The following PLIN5 variants were observed in gnomAD, a reference collection of about 807,000 sequenced individuals.
PLIN5 encodes perilipin-5.
In PLIN5, 34 loss-of-function variants were observed where a neutral mutation model predicts 32.8. That is an observed-to-expected ratio of 1.04 (90% confidence interval 0.79 to 1.38). The LOEUF is 1.38. Ranked by LOEUF, PLIN5 falls within the 40% of genes most tolerant of loss-of-function variation. PLIN5 has a pLI of 0.00. For synonymous variants in PLIN5, 309 were observed against 292.9 expected (o/e 1.05, Z -0.56); for missense variants, 712 against 660.5 (o/e 1.08, Z -0.85).
chr19:4,529,810 G>A lies in PLIN5; in HGVS notation c.313C>T (p.Pro105Ser), dbSNP rs1976861189. Residue 105 changes from proline to serine, a missense_variant, in exon 4 of 8, where the codon CCC becomes TCC. Transcript: ENST00000381848. The part of the protein sequence containing the change: ...RGLDKLEEKL[P>S]FLQQPSETVV... ...GTCTCCGAAGGTTGCTGGAGAAAGGGAAGCTTCTCTTCCAGCTTGTCCAGG... is the reference window on the plus strand; with the variant it reads ...GTCTCCGAAGGTTGCTGGAGAAAGGAAAGCTTCTCTTCCAGCTTGTCCAGG... The A allele has an allele frequency of 6.2e-7, 1 of 1,612,026 alleles. No individual in the cohort carries two copies. The highest frequency in any genetic ancestry group is 1.3e-5 in the African/African-American group (1 of 74,848).
Position 4,533,758 on chromosome 19 carries a change from G to T in PLIN5, c.60+257C>A, listed in dbSNP as rs771381025. ...AGAAGGATACAGGTGGAGACCCAGG[G>T]ATCAAAGGAGAGGGAAAGGGTTGGG... is the stretch of plus-strand genomic sequence containing the variant. On this transcript the variant is annotated intron_variant, in intron 2 of 7. Transcript: ENST00000381848. 1.1e-5 allele frequency: 6 copies of T among 570,072 alleles called. No individual in the cohort carries two copies. In the East Asian group the frequency reaches 1.1e-4, roughly 11 times the overall value. The allele number at this position is 570,072 out of a possible 1,614,324, so 35.3% of individuals were successfully genotyped here.
In PLIN5 at chr19:4,525,593, G is replaced by A. The variant is rs1976789924; in HGVS notation, c.720+40C>T. ...AGCTGGTGCTCAATCCATACTGATT[G>A]GCCTGCATCCCGGAGCAGGGGCGGG... On this transcript the variant is annotated intron_variant, in intron 6 of 7. Coordinates refer to ENST00000381848, the MANE Select transcript of PLIN5 (RefSeq NM_001013706.3). The surrounding 1 kb of genome is among the most constrained non-coding windows in gnomAD (Gnocchi z 5.6). 3 of 1,602,168 alleles carry A rather than the reference G, an allele frequency of 1.9e-6. No homozygotes were observed. The highest frequency in any genetic ancestry group is 2.6e-6 in the Non-Finnish European group (3 of 1,175,490).
intron 2 of PLIN5, chr19:4,532,859 GGGTCTTGCTGTGTTGCCCATGCT>G (rs1767979494): frequency 6.6e-6 from 1 of 152,146 alleles, no homozygotes; most frequent in Admixed American, 6.6e-5. Context: ...TATAGAGATT[GGGTCTTGCTGTGTTGCCCATGCT>G]GGTCTTGAAC....
chr19:4,529,984 G>A (rs190555079), intron 3 of PLIN5, 118 bp from the exon 4 acceptor site: 6 of 569,898 alleles, frequency 1.1e-5, no homozygotes, highest in East Asian at 8.8e-5. Flanking sequence ...GAAGGAAGGA[G>A]ACCAGGATAA....
chr19:4,529,287 TG>T, intron 4 of PLIN5, 34 bp from the exon 5 acceptor site: 2 of 1,556,770 alleles, frequency 1.3e-6, no homozygotes, highest in Non-Finnish European at 1.7e-6. Context: ...CCAGGCACCG[TG>T]GGACTCCAGC....
chr19:4,529,163 T>G lies in PLIN5; in HGVS notation c.430A>C (p.Lys144Gln). The G allele has an allele frequency of 1.2e-6, 2 of 1,613,246 alleles. No individual in the cohort carries two copies. The highest frequency in any genetic ancestry group is 1.7e-6 in the Non-Finnish European group (2 of 1,179,940). The change falls in exon 5 of 8, where the codon AAG becomes CAG. Residue 144 changes from lysine (K) to glutamine (Q), a missense_variant. Physicochemically the swap from Lys to Gln is moderately conservative, Grantham distance 53. Transcript: ENST00000381848. ...TCCACAGCATGGCTCACGGAGCGCT[T>G]CAGCTCCACGCTCCAGCGCCGGCCC... is the stretch of plus-strand genomic sequence containing the variant. ...RRGRRWSVEL[K>Q]RSVSHAVDVV...
intron 5 of PLIN5, among the ~76,000 whole-genome samples, chr19:4,528,162 G>GC (rs1453953821): frequency 2.0e-5 from 3 of 151,928 alleles, no homozygotes; most frequent in African/African-American, 7.3e-5. Context: ...GCCCGCCTCG[G>GC]CCCCCCAAAG....
intron 3 of PLIN5, among the ~76,000 whole-genome samples, chr19:4,530,734 G>A (rs147204304): frequency 6.6e-6 from 1 of 152,222 alleles, no homozygotes; most frequent in East Asian, 1.9e-4. Context: ...GTGCAGTGGT[G>A]CGATCTCGGC....
chr19:4,529,986 C>T (rs908547410), intron 3 of PLIN5, 120 bp from the exon 4 acceptor site: 12 of 565,772 alleles, frequency 2.1e-5, no homozygotes, highest in Non-Finnish European at 3.7e-5. Flanking sequence ...AGGAAGGAGA[C>T]CAGGATAAGA....
chr19:4,529,128 C>T lies in PLIN5; in HGVS notation c.465G>A (p.Leu155=). 6.2e-7 allele frequency: 1 copy of T among 1,613,472 alleles called. No individual in the cohort carries two copies. The highest frequency in any genetic ancestry group is 1.1e-5 in the South Asian group (1 of 91,080). ...GATCCACCAGCTCCTCTGATTTTTC[C>T]AGTACAACATCCACAGCATGGCTCA... ...RSVSHAVDVV[L]EKSEELVDHF... is the part of the protein sequence containing the mutation. Residue 155 remains leucine, a synonymous_variant, in exon 5 of 8, where the codon CTG becomes CTA. Coordinates refer to ENST00000381848, the MANE Select transcript of PLIN5 (RefSeq NM_001013706.3).
At chr19:4,529,553 C>T (rs1250373471) in intron 4 of PLIN5, 3 of 499,704 alleles carry the variant, frequency 6.0e-6, no homozygotes, top group African/African-American at 3.9e-5. Flanking sequence ...CGTATATATA[C>T]ATATATACTT....
Position 4,531,704 on chromosome 19 carries a change from G to A in PLIN5, c.179C>T (p.Ala60Val), listed in dbSNP as rs1328842945. The A allele has an allele frequency of 5.7e-6, 9 of 1,575,142 alleles. No homozygotes were observed. Among genetic ancestry groups the A allele is most frequent in the Non-Finnish European group, 7.7e-6 (9 of 1,164,340 alleles). Reference protein sequence around the residue: ...HPLLGSACRLAENCVCGLTTR... With the variant: ...HPLLGSACRLVENCVCGLTTR... ...GGTCAGGCCGCACACGCAGTTCTCA[G>A]CCAGGCGGCAGGCGGAGCCCAGCAG... Residue 60 changes from alanine (A) to valine (V), a missense_variant, in exon 3 of 8, where the codon GCT (alanine) becomes GTT (valine). By Grantham distance (64) the Ala-to-Val change is moderately conservative (BLOSUM62 0). Coordinates refer to ENST00000381848, the MANE Select transcript of PLIN5 (RefSeq NM_001013706.3).
Position 4,523,511 on chromosome 19 carries a change from C to G in PLIN5, c.*17G>C. On this transcript the variant is annotated 3_prime_UTR_variant, in exon 8 of 8. Coordinates refer to ENST00000381848, the MANE Select transcript of PLIN5 (RefSeq NM_001013706.3). This position sits in a 1 kb window ranked among gnomAD's most constrained non-coding sequence, Gnocchi z 5.0. Reference sequence around the variant, plus strand: ...TGTGCAGGTGGCCTTTCCTCCCCGCCTCCACTGGCCCATGGGTCAGAAGTC... The same window carrying G: ...TGTGCAGGTGGCCTTTCCTCCCCGCGTCCACTGGCCCATGGGTCAGAAGTC... 1 of 1,527,658 alleles carries G rather than the reference C, an allele frequency of 6.5e-7. No homozygotes were observed. Among genetic ancestry groups the G allele is most frequent in the Non-Finnish European group, 8.8e-7 (1 of 1,134,330 alleles). 94.6% of individuals were successfully genotyped at this position (1,527,658 alleles called of 1,614,324 possible).
intron 1 of PLIN5, among the ~76,000 whole-genome samples, chr19:4,534,912 CA>C (rs1356050767): frequency 1.3e-5 from 2 of 152,222 alleles, no homozygotes; most frequent in Admixed American, 6.5e-5. Context: ...GCTAGAGTTA[CA>C]GGGGGGGAGC....
chr19:4,533,452 C>T (rs1055957770), intron 2 of PLIN5: 5 of 159,438 alleles, frequency 3.1e-5, no homozygotes, highest in Middle Eastern at 3.1e-3. Context: ...TCTGTCTGCT[C>T]GAGGGAGGAG....
rs201818128 is a variant in PLIN5, at chr19:4,529,844, G to A, written c.279C>T (p.Ala93=). The A allele has an allele frequency of 3.7e-6, 6 of 1,608,814 alleles. No homozygotes were observed. Among genetic ancestry groups the A allele is most frequent in the Non-Finnish European group, 5.1e-6 (6 of 1,176,478 alleles). ...CTTCCAGCTTGTCCAGGCCCCTGCA[G>A]GCGAGGCTGTTCATAGTGGCCACTG... ...QPQLATMNSL[A]CRGLDKLEEK... Residue 93 remains alanine, a synonymous_variant, in exon 4 of 8, where the codon GCC becomes GCT. Coordinates refer to ENST00000381848, the MANE Select transcript of PLIN5 (RefSeq NM_001013706.3).
chr19:4,532,738 C>T (rs143770870), intron 2 of PLIN5: 179 of 152,334 alleles, frequency 1.2e-3, no homozygotes, highest in African/African-American at 4.1e-3. Flanking sequence ...GATTCAAGCA[C>T]GGCTCACTGC....
rs963919694 is a variant in PLIN5, at chr19:4,524,023, C to A, written c.897G>T (p.Glu299Asp). 6.7e-6 allele frequency: 10 copies of A among 1,499,838 alleles called. No homozygotes were observed. In the African/African-American group the frequency reaches 1.4e-4, roughly 22 times the overall value. The allele number at this position is 1,499,838 out of a possible 1,614,324, so 92.9% of individuals were successfully genotyped here. ...GGCCCCGCACGCTGGACTCCAGAGC[C>A]TCTACCGTGCCCTGCAGCTCCTGGG... The part of the protein sequence containing the change: ...SLTQELQGTV[E>D]ALESSVRGLP... Residue 299 changes from glutamate (E) to aspartate (D), a missense_variant, in exon 8 of 8, where the codon GAG becomes GAT. Physicochemically the swap from Glu to Asp is conservative, Grantham distance 45 (BLOSUM62 2). Transcript: ENST00000381848.
Position 4,529,898 on chromosome 19 carries a change from G to C in PLIN5, c.257-32C>G, listed in dbSNP as rs757590276. 5 of 1,475,084 alleles carry C rather than the reference G, an allele frequency of 3.4e-6. No homozygotes were observed. In the African/African-American group the frequency reaches 6.9e-5, roughly 20 times the overall value. The allele number at this position is 1,475,084 out of a possible 1,614,324, so 91.4% of individuals were successfully genotyped here. On this transcript the variant is annotated intron_variant, in intron 3 of 7. Transcript: ENST00000381848. ...GGAGAGAGGCGGGGAGTGAGACTCG[G>C]GGAGACGCAGAGGGAGATAGGGACG...
Sources: allele counts gnomAD v4.1 joint callset (sites outside exome capture counted in the v4.1 genomes callset), GRCh38; gene constraint gnomAD v4.1.1; non-coding constraint Gnocchi (gnomAD v3.1); transcripts MANE v1.5; gene names NCBI Gene and HGNC (gene_info 2026-07-23, HGNC 2026-07-21).